The following TAFA1 variants were observed in gnomAD, a reference collection of about 807,000 sequenced individuals.
TAFA1 encodes TAFA chemokine like family member 1.
A neutral mutation model predicts 18.5 loss-of-function variants in TAFA1; 4 were observed. That is an observed-to-expected ratio of 0.22 (90% confidence interval 0.11 to 0.49). The LOEUF (loss-of-function observed/expected upper bound fraction) is 0.49, where lower values mean the gene tolerates loss of function less well. Among genes scored for constraint, TAFA1 ranks in the 20% least tolerant of loss-of-function variants. The pLI is 0.98. For synonymous variants in TAFA1, 56 were observed against 55.2 expected, an observed-to-expected ratio of 1.01 and a Z score of -0.06; for missense variants, 147 against 169.0, an observed-to-expected ratio of 0.87 and a Z score of 0.72.
At chr3:68,351,701 G>A (rs1008231040) in intron 2 of TAFA1, among the ~76,000 whole-genome samples, 2 of 151,918 alleles carry the variant, frequency 1.3e-5, no homozygotes, top group African/African-American at 2.4e-5. Flanking sequence ...ACAAATAACT[G>A]GAAGAGAAAA....
At position 68,505,208 on chromosome 3, in the gene TAFA1, A is replaced by G. The variant is rs1264813027; in HGVS notation, c.260-33548A>G. Reference sequence around the variant, plus strand: ...AGAGAGAAACATTTTACACTTTTCAAGTGTTCAACCAAACACAAAAAGTTA... The same window carrying G: ...AGAGAGAAACATTTTACACTTTTCAGGTGTTCAACCAAACACAAAAAGTTA... On this transcript the variant is annotated intron_variant, in intron 3 of 4. Coordinates refer to ENST00000478136, the MANE Select transcript of TAFA1 (RefSeq NM_213609.4). Among the ~76,000 whole-genome samples, 7 of 152,278 alleles carry G rather than the reference A, an allele frequency of 4.6e-5. No homozygotes were observed. In the East Asian group the frequency reaches 1.4e-3, roughly 29 times the overall value.
chr3:68,099,095 G>C (rs1009788535), intron 2 of TAFA1, among the ~76,000 whole-genome samples: 1 of 152,016 alleles, frequency 6.6e-6, no homozygotes, highest in African/African-American at 2.4e-5. Context: ...TATCAATCTT[G>C]GGAAAGAATT....
chr3:68,132,539 T>C (rs933692114), intron 2 of TAFA1, among the ~76,000 whole-genome samples: 3 of 152,178 alleles, frequency 2.0e-5, no homozygotes, highest in Admixed American at 2.0e-4. Context: ...CCAGCATCTG[T>C]TGTTTCCTAT....
chr3:68,506,468 C>G (rs925639007), intron 3 of TAFA1, among the ~76,000 whole-genome samples: 7 of 126,666 alleles, frequency 5.5e-5, no homozygotes, highest in South Asian at 2.8e-4. Context: ...CACACACACA[C>G]AGAGACACAC....
intron 2 of TAFA1, among the ~76,000 whole-genome samples, chr3:68,339,175 G>GCTTAA (rs1336721830): frequency 1.3e-5 from 2 of 152,216 alleles, no homozygotes; most frequent in African/African-American, 4.8e-5. Flanking sequence ...CCGCAGCAGT[G>GCTTAA]CTTACATCCA....
intron 2 of TAFA1, among the ~76,000 whole-genome samples, chr3:68,263,509 G>T (rs978770385): frequency 6.7e-6 from 1 of 150,206 alleles, no homozygotes; most frequent in African/African-American, 2.5e-5. Flanking sequence ...GAGGCCCAGG[G>T]ACTTACTCAT....
chr3:68,167,252 G>A (rs1472144243), intron 2 of TAFA1, among the ~76,000 whole-genome samples: 1 of 152,142 alleles, frequency 6.6e-6, no homozygotes, highest in Non-Finnish European at 1.5e-5. Flanking sequence ...TCAAAGTTTT[G>A]TCAGATGACT....
At position 68,410,705 on chromosome 3, in the gene TAFA1, C is replaced by CAAAAAAAAAAAAA. The variant is rs34714719; in HGVS notation, c.119-6559_119-6547dup. On this transcript the variant is annotated intron_variant, in intron 2 of 4. Transcript: ENST00000478136. Reference sequence around the variant, plus strand: ...CAAAAAAGAGACCATTTTCCATAAGCAAAAAAAAAAAAAAAAAAAAAAAAA... The same window carrying CAAAAAAAAAAAAA: ...CAAAAAAGAGACCATTTTCCATAAGCAAAAAAAAAAAAAAAAAAAAAAAAAAAAAAAAAAAAAA... 5.7e-4 allele frequency among the ~76,000 whole-genome samples: 21 copies of CAAAAAAAAAAAAA among 36,660 alleles called. 4 individuals are homozygous for CAAAAAAAAAAAAA. The highest frequency in any genetic ancestry group is 8.5e-4 in the African/African-American group (9 of 10,608). 24.1% of individuals were successfully genotyped at this position (36,660 alleles called of 152,430 possible). A position where few individuals can be genotyped will look rare whatever the true frequency, so the allele number is the denominator to read the frequency against.
chr3:68,071,348 A>G (rs2064752981), intron 2 of TAFA1, among the ~76,000 whole-genome samples: 3 of 152,200 alleles, frequency 2.0e-5, no homozygotes, highest in South Asian at 4.1e-4. Flanking sequence ...AGTCTGGGAA[A>G]GACCTGCCCC....
chr3:68,150,511 A>G (rs914697200), intron 2 of TAFA1, among the ~76,000 whole-genome samples: 2 of 152,194 alleles, frequency 1.3e-5, no homozygotes, highest in African/African-American at 4.8e-5. Context: ...ATCATTAAAA[A>G]ATGGATTTTG....
At chr3:68,078,524 T>C (rs2064856084) in intron 2 of TAFA1, among the ~76,000 whole-genome samples, 1 of 152,024 alleles carries the variant, frequency 6.6e-6, no homozygotes, top group Admixed American at 6.6e-5. Context: ...GCATGAAGGG[T>C]TGTTGAATTT....
intron 2 of TAFA1, among the ~76,000 whole-genome samples, chr3:68,273,312 A>G (rs1017745205): frequency 6.6e-6 from 1 of 152,204 alleles, no homozygotes; most frequent in African/African-American, 2.4e-5. Flanking sequence ...AGTCGGGGAC[A>G]GTGGTAGAAG....
chr3:68,274,044 G>A (rs1394322470), intron 2 of TAFA1, among the ~76,000 whole-genome samples: 3 of 152,118 alleles, frequency 2.0e-5, no homozygotes, highest in African/African-American at 7.2e-5. Context: ...GAGATTACCT[G>A]CCAAGAAATA....
chr3:68,266,371 G>A (rs1468215749), intron 2 of TAFA1, among the ~76,000 whole-genome samples: 2 of 152,092 alleles, frequency 1.3e-5, no homozygotes, highest in East Asian at 3.9e-4. Flanking sequence ...GGTTTTATAC[G>A]AAACATAACT....
intron 2 of TAFA1, among the ~76,000 whole-genome samples, chr3:68,228,431 T>C (rs1450217816): frequency 6.6e-6 from 1 of 152,148 alleles, no homozygotes. Context: ...TCTATAAATA[T>C]CAACTGCTAT....
At chr3:68,387,061 T>A (rs577603546) in intron 2 of TAFA1, among the ~76,000 whole-genome samples, 1 of 149,578 alleles carries the variant, frequency 6.7e-6, no homozygotes, top group Non-Finnish European at 1.5e-5. Context: ...CTAATTTTAT[T>A]TTTTTTTTTG....
At chr3:68,269,942 A>G (rs890241844) in intron 2 of TAFA1, among the ~76,000 whole-genome samples, 1 of 151,994 alleles carries the variant, frequency 6.6e-6, no homozygotes, top group Non-Finnish European at 1.5e-5. Flanking sequence ...CTCTGAGTAC[A>G]TTTTCTGTGG....
intron 2 of TAFA1, among the ~76,000 whole-genome samples, chr3:68,046,917 A>G (rs1207363912): frequency 2.0e-5 from 3 of 152,204 alleles, no homozygotes; most frequent in African/African-American, 7.2e-5. Context: ...AGTATCACAT[A>G]AGGCATATTG....
At chr3:68,497,599 G>T (rs1296510995) in intron 3 of TAFA1, among the ~76,000 whole-genome samples, 2 of 152,222 alleles carry the variant, frequency 1.3e-5, no homozygotes, top group South Asian at 2.1e-4. Context: ...AAACAGCCTG[G>T]TTCCTTCCAG....
Sources: gnomAD v4.1 joint callset for allele counts (sites outside exome capture counted in the v4.1 genomes callset) on GRCh38, gnomAD v4.1.1 for gene constraint, MANE v1.5 for transcripts, NCBI Gene and HGNC (gene_info 2026-07-23, HGNC 2026-07-21) for gene names.